PITPNC1: variants seen among roughly 807,000 people sequenced by gnomAD.
The protein encoded by PITPNC1 is cytoplasmic phosphatidylinositol transfer protein 1.
Under a neutral mutation model 44.7 loss-of-function variants are expected in PITPNC1, and 18 were observed. That is an observed-to-expected ratio of 0.40 (90% CI 0.28 to 0.60). The LOEUF is 0.60. Among genes scored for constraint, PITPNC1 ranks in the 20% least tolerant of loss-of-function variants. PITPNC1 has a pLI of 0.39. For missense variants in PITPNC1, 290 were observed against 418.4 expected, an observed-to-expected ratio of 0.69 and a Z score of 2.68; for synonymous variants, 141 against 149.6, an observed-to-expected ratio of 0.94 and a Z score of 0.42.
intron 1 of PITPNC1, among the ~76,000 whole-genome samples, chr17:67,515,639 C>CT (rs2040249791): frequency 6.6e-6 from 1 of 152,166 alleles, no homozygotes; most frequent in Admixed American, 6.6e-5. Context: ...GCTGCCTTTA[C>CT]TGGACGAACT....
intron 6 of PITPNC1, among the ~76,000 whole-genome samples, chr17:67,650,259 G>A (rs900280179): frequency 6.6e-6 from 1 of 152,074 alleles, no homozygotes; most frequent in Non-Finnish European, 1.5e-5. Flanking sequence ...ATGAGAAAGC[G>A]AATCTGAAGT....
chr17:67,378,767 G>C (rs1479547182), intron 1 of PITPNC1, among the ~76,000 whole-genome samples: 1 of 152,210 alleles, frequency 6.6e-6, no homozygotes, highest in Non-Finnish European at 1.5e-5. Flanking sequence ...TCCGCCCTTC[G>C]AGGCTCGGGA....
intron 4 of PITPNC1, among the ~76,000 whole-genome samples, chr17:67,572,535 A>AG (rs1265189574): frequency 7.0e-6 from 1 of 143,446 alleles, no homozygotes; most frequent in Non-Finnish European, 1.5e-5. Flanking sequence ...TGCTGGTATT[A>AG]GGGGGGCACC....
In PITPNC1 at chr17:67,631,635, C is replaced by CAA. The variant is rs1374813320; in HGVS notation, c.367-486_367-485dup. ...AAGAGTGAGACTCCGTCTCAAAAAC[C>CAA]AAAAAAAAAAAAAAAAAAAAAAATA... On this transcript the variant is annotated intron_variant, in intron 5 of 8. Coordinates refer to ENST00000581322, the MANE Select transcript of PITPNC1 (RefSeq NM_012417.4). 1.2e-3 allele frequency among the ~76,000 whole-genome samples: 19 copies of CAA among 15,764 alleles called. 1 individual carries two copies. The highest frequency in any genetic ancestry group is 3.3e-3 in the South Asian group (1 of 300). 10.3% of individuals were successfully genotyped at this position (15,764 alleles called of 152,430 possible).
rs187709589 is a variant in PITPNC1, at chr17:67,426,108, A to G, written c.48+47906A>G. 2.0e-5 allele frequency among the ~76,000 whole-genome samples: 3 copies of G among 152,318 alleles called. No homozygotes were observed. The East Asian group carries it at 5.8e-4, about 29-fold the overall frequency. ...GGAGTAAGAAATTCTTTTGAATATA[A>G]ATTACATATGTTTGGCTGTGGAGAA... On this transcript the variant is annotated intron_variant, in intron 1 of 8. Coordinates refer to ENST00000581322, the MANE Select transcript of PITPNC1 (RefSeq NM_012417.4).
Position 67,632,218 on chromosome 17 carries a change from C to A in PITPNC1, c.442C>A (p.Arg148Ser). ...IDIACDEIPE[R>S]YYKESEDPKH... The stretch of plus-strand genomic sequence containing the variant: ...TATTGCCTGCGATGAAATTCCAGAG[C>A]GCTACTACAAAGAATCTGAGGTAAG... Residue 148 changes from arginine to serine, a missense_variant, in exon 6 of 9, where the codon CGC (arginine) becomes AGC (serine). Physicochemically the swap from Arg to Ser is moderately radical, Grantham distance 110. Transcript: ENST00000581322. 1 of 1,606,674 alleles carries A rather than the reference C, an allele frequency of 6.2e-7. No homozygotes were observed. Among genetic ancestry groups the A allele is most frequent in the Non-Finnish European group, 8.5e-7 (1 of 1,173,282 alleles).
chr17:67,468,101 A>AG (rs2039453964), intron 1 of PITPNC1, among the ~76,000 whole-genome samples: 1 of 152,206 alleles, frequency 6.6e-6, no homozygotes, highest in East Asian at 1.9e-4. Context: ...CCATTATAAA[A>AG]GAAACTAGAG....
intron 6 of PITPNC1, among the ~76,000 whole-genome samples, chr17:67,659,249 G>C (rs1034841592): frequency 1.3e-5 from 2 of 152,192 alleles, no homozygotes; most frequent in African/African-American, 4.8e-5. Flanking sequence ...AACAATGAGA[G>C]TGCATTGTTT....
chr17:67,395,276 G>A (rs1436179605), intron 1 of PITPNC1, among the ~76,000 whole-genome samples: 1 of 151,806 alleles, frequency 6.6e-6, no homozygotes, highest in East Asian at 1.9e-4. Context: ...GAGTAGCTAG[G>A]ACAACGGGTC....
intron 6 of PITPNC1, among the ~76,000 whole-genome samples, chr17:67,652,723 C>T (rs1384352498): frequency 1.3e-5 from 2 of 152,238 alleles, no homozygotes; most frequent in African/African-American, 2.4e-5. Context: ...CCACATCCCC[C>T]AGCGGAGCCA....
intron 1 of PITPNC1, among the ~76,000 whole-genome samples, chr17:67,443,972 T>C (rs2039056246): frequency 6.6e-6 from 1 of 152,152 alleles, no homozygotes; most frequent in East Asian, 1.9e-4. Flanking sequence ...TGGATTTGGC[T>C]TTTGGTCTTG....
intron 8 of PITPNC1, chr17:67,687,169 T>G: frequency 6.4e-7 from 1 of 1,574,296 alleles, no homozygotes; most frequent in Non-Finnish European, 8.7e-7. Context: ...ACATAGAGAG[T>G]CATGCCCAAA....
chr17:67,659,328 G>A lies in PITPNC1; in HGVS notation c.463-10180G>A, dbSNP rs143298475. Reference sequence around the variant, plus strand: ...GCTCTTCATGATGTGAGCTTGGATTGAAATATCTCAGATGGCCCTTTCACT... The same window carrying A: ...GCTCTTCATGATGTGAGCTTGGATTAAAATATCTCAGATGGCCCTTTCACT... On this transcript the variant is annotated intron_variant, in intron 6 of 8. Coordinates refer to ENST00000581322, the MANE Select transcript of PITPNC1 (RefSeq NM_012417.4). Among the ~76,000 whole-genome samples the A allele has an allele frequency of 1.9e-3, 288 of 152,290 alleles. 3 individuals are homozygous for A. The highest frequency in any genetic ancestry group is 0.014 in the South Asian group (68 of 4,820).
At chr17:67,483,961 C>T (rs1157737350) in intron 1 of PITPNC1, among the ~76,000 whole-genome samples, 1 of 149,770 alleles carries the variant, frequency 6.7e-6, no homozygotes, top group Admixed American at 6.7e-5. Context: ...TCTTGTTGCC[C>T]AGGCTGGAGT....
chr17:67,621,241 T>C (rs1446337046), intron 5 of PITPNC1, among the ~76,000 whole-genome samples: 1 of 63,444 alleles, frequency 1.6e-5, no homozygotes, highest in East Asian at 5.5e-4. Context: ...AAAGTTTCAC[T>C]CTGTCACCCA....
chr17:67,488,642 G>C (rs1453470775), intron 1 of PITPNC1, among the ~76,000 whole-genome samples: 4 of 152,192 alleles, frequency 2.6e-5, no homozygotes, highest in Non-Finnish European at 5.9e-5. Flanking sequence ...GTGTTATTAA[G>C]TGCATTCCTA....
At chr17:67,538,234 G>A (rs1378773444) in intron 2 of PITPNC1, among the ~76,000 whole-genome samples, 2 of 152,132 alleles carry the variant, frequency 1.3e-5, no homozygotes, top group African/African-American at 4.8e-5. Flanking sequence ...GAACTCTTCG[G>A]TATATGATGT....
At chr17:67,540,275 T>C (rs1051638435) in intron 2 of PITPNC1, among the ~76,000 whole-genome samples, 1 of 151,942 alleles carries the variant, frequency 6.6e-6, no homozygotes, top group African/African-American at 2.4e-5. Context: ...GGCTAATTTG[T>C]GTATGTTTTA....
intron 1 of PITPNC1, among the ~76,000 whole-genome samples, chr17:67,422,634 A>G (rs1407108305): frequency 1.3e-5 from 2 of 149,214 alleles, no homozygotes; most frequent in African/African-American, 2.5e-5. Context: ...TGCAACCTCT[A>G]CCTCCCAGGT....
Sources: allele counts gnomAD v4.1 joint callset (sites outside exome capture counted in the v4.1 genomes callset), GRCh38; gene constraint gnomAD v4.1.1; transcripts MANE v1.5; gene names NCBI Gene and HGNC (gene_info 2026-07-23, HGNC 2026-07-21).